The following GARS1 variants were observed in gnomAD, a reference collection of about 807,000 sequenced individuals.
GARS1 encodes glycyl-tRNA synthetase 1.
A neutral mutation model predicts 86.4 loss-of-function variants in GARS1; 46 were observed. The observed-to-expected ratio is 0.53, with a 90% CI of 0.42 to 0.68. The LOEUF (loss-of-function observed/expected upper bound fraction) is 0.68, where lower values mean the gene tolerates loss of function less well. Ranked by LOEUF, GARS1 falls within the 30% of genes least tolerant of loss-of-function variation. The pLI is 0.00. For synonymous variants in GARS1, 342 were observed against 329.8 expected (o/e 1.04, Z -0.40); for missense variants, 797 against 915.6 (o/e 0.87, Z 1.67).
intron 12 of GARS1, among the ~76,000 whole-genome samples, chr7:30,624,524 A>G (rs1348816281): frequency 6.6e-6 from 1 of 152,232 alleles, no homozygotes; most frequent in Admixed American, 6.5e-5. Flanking sequence ...TGAGGTGTAT[A>G]CATTATATGT....
chr7:30,626,957 G>GGCGACAGT, intron 13 of GARS1: 1 of 385,516 alleles, frequency 2.6e-6, no homozygotes, highest in Non-Finnish European at 5.1e-6. Context: ...CTCCAGCCTG[G>GGCGACAGT]GCGACAGTGC....
intron 12 of GARS1, among the ~76,000 whole-genome samples, chr7:30,623,012 A>G (rs1467442921): frequency 6.6e-6 from 1 of 151,900 alleles, no homozygotes; most frequent in East Asian, 1.9e-4. Context: ...GAGGCAGGAG[A>G]ATGGCGTGAA....
In GARS1 at chr7:30,599,035, C is replaced by A; in HGVS notation, c.324+138C>A. The A allele has an allele frequency of 1.5e-5, 11 of 713,920 alleles. No homozygotes were observed. The South Asian group carries it at 1.7e-4, about 11-fold the overall frequency. 44.2% of individuals were successfully genotyped at this position (713,920 alleles called of 1,614,324 possible). On this transcript the variant is annotated intron_variant, in intron 2 of 16. Transcript: ENST00000389266. The stretch of plus-strand genomic sequence containing the variant: ...ATCTGTTTATCCATAATGCCGCCTT[C>A]TCCTTTCCCTCTACCTGGTAGACTC...
intron 1 of GARS1, among the ~76,000 whole-genome samples, chr7:30,598,267 G>A (rs1791298201): frequency 6.6e-6 from 1 of 151,694 alleles, no homozygotes; most frequent in African/African-American, 2.4e-5. Context: ...CACCATGTGA[G>A]CAGTTATTTG....
At chr7:30,595,553 C>T (rs956118516) in intron 1 of GARS1, among the ~76,000 whole-genome samples, 2 of 152,106 alleles carry the variant, frequency 1.3e-5, no homozygotes, top group African/African-American at 4.8e-5. Flanking sequence ...CTTTGTGCAC[C>T]CTGGGTGGAA....
intron 8 of GARS1, 121 bp downstream of exon 8, chr7:30,612,366 C>A: frequency 1.0e-6 from 1 of 988,122 alleles, no homozygotes; most frequent in Non-Finnish European, 1.6e-6. Flanking sequence ...TTTTTGTTTT[C>A]TCCAAAAATC....
chr7:30,613,229 G>T (rs1257221167), intron 8 of GARS1, among the ~76,000 whole-genome samples: 2 of 152,110 alleles, frequency 1.3e-5, no homozygotes, highest in East Asian at 3.9e-4. Flanking sequence ...ACAGGTTTAC[G>T]GTTTAGGAAG....
At chr7:30,618,773 A>AT (rs1239411033) in intron 10 of GARS1, among the ~76,000 whole-genome samples, 2 of 152,232 alleles carry the variant, frequency 1.3e-5, no homozygotes, top group Non-Finnish European at 2.9e-5. Context: ...ATGGCTATTA[A>AT]TGATGTTGTT....
rs752640031 is a variant in GARS1, at chr7:30,615,940, A to G, written c.1076A>G (p.Glu359Gly). The G allele has an allele frequency of 6.2e-7, 1 of 1,614,118 alleles. No individual in the cohort carries two copies. The highest frequency in any genetic ancestry group is 1.1e-5 in the South Asian group (1 of 91,090). The stretch of plus-strand genomic sequence containing the variant: ...ATTGAGCACTTTGTAGATCCCAGTG[A>G]GAAAGACCACCCCAAGTTCCAGAAT... ...AEIEHFVDPS[E>G]KDHPKFQNVA... The change falls in exon 9 of 17, where the codon GAG becomes GGG. Residue 359 changes from glutamate (E) to glycine (G), a missense_variant. This residue lies in a region of GARS1 where 598 missense variants were observed against 738.7 expected (regional missense o/e 0.81). Transcript: ENST00000389266.
At chr7:30,633,226 A>T (rs1405755434) in intron 16 of GARS1, among the ~76,000 whole-genome samples, 1 of 152,216 alleles carries the variant, frequency 6.6e-6, no homozygotes, top group Non-Finnish European at 1.5e-5. Context: ...CTGGAAATGT[A>T]TGAGATAAGC....
chr7:30,620,182 A>C (rs1782976983), intron 10 of GARS1, among the ~76,000 whole-genome samples: 1 of 152,174 alleles, frequency 6.6e-6, no homozygotes, highest in Admixed American at 6.5e-5. Flanking sequence ...CTACCAAAAT[A>C]AGCTCTTTAC....
Position 30,601,042 on chromosome 7 carries a change from C to T in GARS1, c.428-17C>T, listed in dbSNP as rs370452042. 3.9e-4 allele frequency: 632 copies of T among 1,612,948 alleles called. No homozygotes were observed. The highest frequency in any genetic ancestry group is 1.0e-3 in the Admixed American group (61 of 59,992). On this transcript the variant is annotated splice_polypyrimidine_tract_variant and intron_variant, in intron 3 of 16. Coordinates refer to ENST00000389266, the MANE Select transcript of GARS1 (RefSeq NM_002047.4). ...AGTAACAAGGTAAAGTATGTGTTTT[C>T]CTCTCATATTCTATAGGTGTTAGTG...
intron 13 of GARS1, chr7:30,627,214 C>T (rs939015745): frequency 1.1e-5 from 4 of 359,104 alleles, no homozygotes; most frequent in African/African-American, 8.7e-5. Flanking sequence ...TCCTTTTGTT[C>T]TTGGCTTGTC....
At position 30,616,057 on chromosome 7, in the gene GARS1, A is replaced by G. The variant is rs1250500353; in HGVS notation, c.1193A>G (p.Gln398Arg). Residue 398 changes from glutamine (Q) to arginine (R), a missense_variant and splice_region_variant, in exon 9 of 17, where the codon CAG (glutamine) becomes CGG (arginine). This residue lies in a region of GARS1 where 598 missense variants were observed against 738.7 expected (regional missense o/e 0.81). Transcript: ENST00000389266. ...ATGCGCCTGGGAGATGCTGTTGAAC[A>G]GGTAGGATTCTGGAGGTAACTTAAC... ...RKMRLGDAVE[Q>R]GVINNTVLGY... is the part of the protein sequence containing the mutation. 6.2e-7 allele frequency: 1 copy of G among 1,614,186 alleles called. No individual in the cohort carries two copies. Among genetic ancestry groups the G allele is most frequent in the East Asian group, 2.2e-5 (1 of 44,882 alleles).
At chr7:30,602,407 C>T (rs562190254) in intron 4 of GARS1, among the ~76,000 whole-genome samples, 28 of 152,272 alleles carry the variant, frequency 1.8e-4, no homozygotes, top group Non-Finnish European at 2.5e-4. Context: ...TTTTGTAACT[C>T]GTCATTATTC....
chr7:30,621,266 G>A, intron 10 of GARS1, 127 bp from the exon 11 acceptor site: 1 of 818,924 alleles, frequency 1.2e-6, no homozygotes, highest in Non-Finnish European at 2.0e-6. Flanking sequence ...TATGAAATTT[G>A]AATGAAGATT....
intron 1 of GARS1, among the ~76,000 whole-genome samples, chr7:30,598,377 C>CTTTTTTTTTTTTTTTTTTTTTT (rs1174085518): frequency 2.0e-5 from 2 of 99,612 alleles, no homozygotes; most frequent in African/African-American, 3.8e-5. Flanking sequence ...TTGCATCATT[C>CTTTTTTTTTTTTTTTTTTTTTT]TTTTTTTTTT....
rs777300960 is a variant in GARS1, at chr7:30,633,844, A to G, written c.2204A>G (p.Glu735Gly). The G allele has an allele frequency of 6.2e-7, 1 of 1,612,100 alleles. No individual in the cohort carries two copies. Among genetic ancestry groups the G allele is most frequent in the Non-Finnish European group, 8.5e-7 (1 of 1,178,854 alleles). ...GAAGGGCAAGAGACTGGTAAAAAAG[A>G]GACAATCGAGGAATGAGGACAATTT... ...LFEGQETGKK[E>G]TIEE Residue 735 changes from glutamate (E) to glycine (G), a missense_variant, in exon 17 of 17, where the codon GAG becomes GGG. Transcript: ENST00000389266.
intron 3 of GARS1, 150 bp from the exon 4 acceptor site, chr7:30,600,909 C>A: frequency 1.5e-6 from 1 of 667,958 alleles, no homozygotes; most frequent in South Asian, 2.0e-5. Context: ...CATCAGCTAG[C>A]TGAAAGTAAG....
Sources: gnomAD v4.1 joint callset for allele counts (sites outside exome capture counted in the v4.1 genomes callset) on GRCh38, gnomAD v4.1.1 for gene constraint, gnomAD v4.1.1 regional missense constraint, MANE v1.5 for transcripts, NCBI Gene and HGNC (gene_info 2026-07-23, HGNC 2026-07-21) for gene names.